The following FHIT variants were observed in gnomAD, a reference collection of about 807,000 sequenced individuals.
FHIT encodes bis(5'-adenosyl)-triphosphatase.
FHIT carries 19 observed loss-of-function variants against 17.9 expected under a neutral mutation model. That is an observed-to-expected ratio of 1.06 (90% CI 0.74 to 1.56). The LOEUF is 1.56. Among genes scored for constraint, FHIT ranks in the 40% most tolerant of loss-of-function variants. The probability of loss-of-function intolerance (pLI) is 0.00; values close to 1 mark genes in which losing one functional copy is unlikely to be tolerated. For missense variants in FHIT, 248 were observed against 189.2 expected (o/e 1.31, Z -1.82); for synonymous variants, 81 against 69.7 (o/e 1.16, Z -0.81).
At chr3:60,836,461 T>A (rs1702544778) in intron 3 of FHIT, among the ~76,000 whole-genome samples, 1 of 152,204 alleles carries the variant, frequency 6.6e-6, no homozygotes, top group East Asian at 1.9e-4. Context: ...AGTTATGGGC[T>A]TTTAAATATT....
intron 3 of FHIT, among the ~76,000 whole-genome samples, chr3:60,891,236 T>C (rs1304410416): frequency 2.6e-5 from 4 of 152,148 alleles, no homozygotes; most frequent in African/African-American, 9.7e-5. Flanking sequence ...CGTGCACCCA[T>C]CTTCTTTTAC....
chr3:61,115,814 T>C (rs548485928), intron 2 of FHIT, among the ~76,000 whole-genome samples: 3 of 151,156 alleles, frequency 2.0e-5, no homozygotes, highest in Non-Finnish European at 3.0e-5. Context: ...GGAAGAAGAG[T>C]ATTGAAAAAA....
chr3:60,532,608 C>T (rs2035826840), intron 5 of FHIT, among the ~76,000 whole-genome samples: 1 of 152,138 alleles, frequency 6.6e-6, no homozygotes, highest in South Asian at 2.1e-4. Context: ...GGATTAAAGA[C>T]ATTCTGACAT....
chr3:60,432,279 G>A (rs1702939144), intron 5 of FHIT, among the ~76,000 whole-genome samples: 2 of 151,974 alleles, frequency 1.3e-5, no homozygotes, highest in Admixed American at 6.6e-5. Context: ...CCTAGTCTGG[G>A]CCTTTATTTT....
intron 5 of FHIT, among the ~76,000 whole-genome samples, chr3:60,029,519 G>T (rs929026133): frequency 6.6e-6 from 1 of 152,296 alleles, no homozygotes; most frequent in East Asian, 1.9e-4. Flanking sequence ...AGAAAGAGCA[G>T]ACCCGTCGTC....
intron 3 of FHIT, among the ~76,000 whole-genome samples, chr3:61,006,465 T>G (rs1249085587): frequency 1.3e-5 from 2 of 152,162 alleles, no homozygotes; most frequent in African/African-American, 4.8e-5. Flanking sequence ...GAGAAATATT[T>G]TAGGGATGAC....
At chr3:60,547,980 T>A (rs1406059553) in intron 4 of FHIT, among the ~76,000 whole-genome samples, 1 of 152,118 alleles carries the variant, frequency 6.6e-6, no homozygotes, top group Non-Finnish European at 1.5e-5. Context: ...TATGTTAACA[T>A]CCAACTAAAG....
intron 5 of FHIT, among the ~76,000 whole-genome samples, chr3:60,158,771 C>A (rs1700815515): frequency 6.6e-6 from 1 of 152,074 alleles, no homozygotes; most frequent in Non-Finnish European, 1.5e-5. Context: ...TGTGAGATAT[C>A]CAATCATAAA....
intron 8 of FHIT, among the ~76,000 whole-genome samples, chr3:59,885,062 C>A (rs1016471831): frequency 6.6e-6 from 1 of 152,174 alleles, no homozygotes; most frequent in African/African-American, 2.4e-5. Flanking sequence ...AACAGATTTG[C>A]TAATTTTTAA....
At chr3:61,192,907 C>A (rs961612545) in intron 2 of FHIT, among the ~76,000 whole-genome samples, 1 of 152,166 alleles carries the variant, frequency 6.6e-6, no homozygotes, top group Non-Finnish European at 1.5e-5. Context: ...TTAGGGGCAG[C>A]ATAATTTTAA....
At chr3:60,560,087 CTG>C (rs1450921247) in intron 4 of FHIT, among the ~76,000 whole-genome samples, 1 of 151,892 alleles carries the variant, frequency 6.6e-6, no homozygotes, top group Non-Finnish European at 1.5e-5. Flanking sequence ...GATGGGGAAA[CTG>C]TGCACAGTTT....
intron 7 of FHIT, among the ~76,000 whole-genome samples, chr3:59,933,942 C>T (rs762285083): frequency 3.9e-5 from 6 of 152,052 alleles, no homozygotes; most frequent in Non-Finnish European, 7.4e-5. Context: ...TTCATGAAAC[C>T]TCCAACATGT....
At chr3:60,573,373 C>T (rs1485721150) in intron 4 of FHIT, among the ~76,000 whole-genome samples, 1 of 152,178 alleles carries the variant, frequency 6.6e-6, no homozygotes, top group African/African-American at 2.4e-5. Flanking sequence ...AAAGTAGATG[C>T]TTTCCTCACA....
chr3:61,245,320 G>C (rs1471678472), intron 1 of FHIT, among the ~76,000 whole-genome samples: 3 of 152,172 alleles, frequency 2.0e-5, no homozygotes, highest in Non-Finnish European at 4.4e-5. Context: ...TTGAGGCTCA[G>C]AGAGATTTGG....
chr3:60,028,922 T>G (rs1286363299), intron 5 of FHIT, among the ~76,000 whole-genome samples: 1 of 152,132 alleles, frequency 6.6e-6, no homozygotes, highest in Non-Finnish European at 1.5e-5. Context: ...TGGAAGGAGA[T>G]CCACACTTTA....
intron 5 of FHIT, among the ~76,000 whole-genome samples, chr3:60,383,754 G>A (rs975597326): frequency 6.6e-6 from 1 of 152,046 alleles, no homozygotes; most frequent in African/African-American, 2.4e-5. Flanking sequence ...TATAAAAATA[G>A]CATTTTTCAA....
chr3:60,619,842 G>T (rs111471000), intron 4 of FHIT, among the ~76,000 whole-genome samples: 2,044 of 152,110 alleles, frequency 0.013, 56 homozygotes, highest in African/African-American at 0.047. Context: ...AATTGAAAAC[G>T]TCTCCTTGAT....
intron 8 of FHIT, among the ~76,000 whole-genome samples, chr3:59,795,610 G>A (rs1053226779): frequency 1.2e-4 from 18 of 152,060 alleles, no homozygotes; most frequent in African/African-American, 4.1e-4. Context: ...TATAGTCCCA[G>A]CTACTCAGGA....
At chr3:60,640,241 A>G (rs1013803133) in intron 4 of FHIT, among the ~76,000 whole-genome samples, 1 of 152,166 alleles carries the variant, frequency 6.6e-6, no homozygotes, top group Non-Finnish European at 1.5e-5. Flanking sequence ...TTAAAGCTCA[A>G]TGAATGAATT....
Sources: allele counts gnomAD v4.1 joint callset (sites outside exome capture counted in the v4.1 genomes callset), GRCh38; gene constraint gnomAD v4.1.1; transcripts MANE v1.5; gene names NCBI Gene and HGNC (gene_info 2026-07-23, HGNC 2026-07-21).